C5orf24: variants seen among roughly 807,000 people sequenced by gnomAD.
C5orf24 encodes the protein UPF0461 protein C5orf24.
Under a neutral mutation model 9.8 loss-of-function variants are expected in C5orf24, and 4 were observed. The observed-to-expected ratio is 0.41, with a 90% confidence interval of 0.20 to 0.93. The LOEUF (loss-of-function observed/expected upper bound fraction) is 0.93, where lower values mean the gene tolerates loss of function less well. Ranked by LOEUF, C5orf24 falls within the 40% of genes least tolerant of loss-of-function variation. C5orf24 has a pLI of 0.33. For missense variants in C5orf24, 170 were observed against 236.9 expected, an observed-to-expected ratio of 0.72 and a Z score of 1.85; for synonymous variants, 73 against 81.3, an observed-to-expected ratio of 0.90 and a Z score of 0.55.
At chr5:134,852,044 A>C (rs1437878459) in intron 1 of C5orf24, among the ~76,000 whole-genome samples, 2 of 152,200 alleles carry the variant, frequency 1.3e-5, no homozygotes, top group Non-Finnish European at 2.9e-5. Context: ...GGGTTCAACC[A>C]ATTCTCCTGC....
chr5:134,858,448 A>G lies in C5orf24; in HGVS notation c.*2981A>G, dbSNP rs1196571172. ...AATAGCATGTTAAACAGTTGCCTATACTTTAATATAATCAGTTGGGGAAAA... is the reference window on the plus strand; with the variant it reads ...AATAGCATGTTAAACAGTTGCCTATGCTTTAATATAATCAGTTGGGGAAAA... On this transcript the variant is annotated 3_prime_UTR_variant, in exon 2 of 2. Transcript: ENST00000394976. 3 of 167,022 alleles carry G rather than the reference A, an allele frequency of 1.8e-5. No homozygotes were observed. In the East Asian group the frequency reaches 5.8e-4, roughly 32 times the overall value. The allele number at this position is 167,022 out of a possible 1,614,324, so 10.3% of individuals were successfully genotyped here.
intron 1 of C5orf24, among the ~76,000 whole-genome samples, chr5:134,850,994 ATATTTATTTATT>A (rs34043118): frequency 0.012 from 1,754 of 147,572 alleles, 29 homozygotes; most frequent in African/African-American, 0.04. Context: ...AGAAATACAT[ATATTTATTTATT>A]TATTTATTTA....
chr5:134,844,737 G>C (rs944554466), upstream of C5orf24, among the ~76,000 whole-genome samples: 1 of 147,276 alleles, frequency 6.8e-6, no homozygotes, highest in Non-Finnish European at 1.5e-5. Context: ...GTTTTTTGTT[G>C]TTGTTGTTGT....
the C5orf24 span, among the ~76,000 whole-genome samples, chr5:134,835,548 G>A: frequency 4.6e-5 from 7 of 152,174 alleles, no homozygotes; most frequent in Non-Finnish European, 8.8e-5. Flanking sequence ...TTGGGAGGCT[G>A]AGGCAGGAGA....
chr5:134,839,598 T>C, the C5orf24 span, among the ~76,000 whole-genome samples: 2 of 152,174 alleles, frequency 1.3e-5, no homozygotes, highest in Non-Finnish European at 2.9e-5. Context: ...AATACTGCTT[T>C]TATTATTCAT....
At chr5:134,847,089 C>A (rs377313568) in intron 1 of C5orf24, among the ~76,000 whole-genome samples, 1 of 152,038 alleles carries the variant, frequency 6.6e-6, no homozygotes, top group Admixed American at 6.6e-5. Context: ...GTAATGACTG[C>A]CACATTCAAG....
In C5orf24 at chr5:134,859,713, A is replaced by G. The variant is rs1429975218; in HGVS notation, c.*4246A>G. On this transcript the variant is annotated 3_prime_UTR_variant, in exon 2 of 2. Transcript: ENST00000394976. ...TCATCATATGGATGTATATTTATTA[A>G]TAAAGTCATTACTTTAAAACCAGCT... 1 of 166,812 alleles carries G rather than the reference A, an allele frequency of 6.0e-6. No homozygotes were observed. Among genetic ancestry groups the G allele is most frequent in the Admixed American group, 6.5e-5 (1 of 15,276 alleles). The allele number at this position is 166,812 out of a possible 1,614,324, so 10.3% of individuals were successfully genotyped here. A position where few individuals can be genotyped will look rare whatever the true frequency, so the allele number is the denominator to read the frequency against.
At chr5:134,838,638 T>C in the C5orf24 span, among the ~76,000 whole-genome samples, 1 of 151,998 alleles carries the variant, frequency 6.6e-6, no homozygotes, top group Non-Finnish European at 1.5e-5. Flanking sequence ...CAAGACTTTA[T>C]CTCAAACAAA....
the C5orf24 span, among the ~76,000 whole-genome samples, chr5:134,839,992 A>G: frequency 6.6e-6 from 1 of 152,042 alleles, no homozygotes; most frequent in Non-Finnish European, 1.5e-5. Flanking sequence ...CACCACACCT[A>G]GCCTAGAGTA....
At chr5:134,842,561 C>G (rs1755915955), upstream of C5orf24, among the ~76,000 whole-genome samples, 1 of 151,634 alleles carries the variant, frequency 6.6e-6, no homozygotes, top group African/African-American at 2.4e-5. Flanking sequence ...GGTGAGTAAA[C>G]CTGGAATGTC....
chr5:134,847,860 T>C lies in C5orf24; in HGVS notation c.-4+1648T>C, dbSNP rs142140083. Among the ~76,000 whole-genome samples the C allele has an allele frequency of 8.5e-3, 1,300 of 152,198 alleles. 6 individuals are homozygous for C. The highest frequency in any genetic ancestry group is 0.041 in the Middle Eastern group (12 of 294). ...AGTTACAGGCACCCGCCACCATGCC[T>C]GACTAATTTTTTGGATTTTTAGAGA... On this transcript the variant is annotated intron_variant, in intron 1 of 1. Coordinates refer to ENST00000394976, the MANE Select transcript of C5orf24 (RefSeq NM_001135586.1).
In C5orf24 at chr5:134,858,373, T is replaced by A. The variant is rs1756365803; in HGVS notation, c.*2906T>A. On this transcript the variant is annotated 3_prime_UTR_variant, in exon 2 of 2. Coordinates refer to ENST00000394976, the MANE Select transcript of C5orf24 (RefSeq NM_001135586.1). The stretch of plus-strand genomic sequence containing the variant: ...TTTTACTGCTATATAAACTAAAGAC[T>A]ACATTGTGCATATTTTGTTAACACT... 1 of 167,052 alleles carries A rather than the reference T, an allele frequency of 6.0e-6. No individual in the cohort carries two copies. The highest frequency in any genetic ancestry group is 1.5e-5 in the Non-Finnish European group (1 of 68,130). 10.3% of individuals were successfully genotyped at this position (167,052 alleles called of 1,614,324 possible). A position where few individuals can be genotyped will look rare whatever the true frequency, so the allele number is the denominator to read the frequency against.
chr5:134,852,827 G>T (rs1478832258), intron 1 of C5orf24, among the ~76,000 whole-genome samples: 1 of 152,050 alleles, frequency 6.6e-6, no homozygotes, highest in African/African-American at 2.4e-5. Context: ...ACCTGAGGTT[G>T]GGAGTTCAAG....
intron 1 of C5orf24, among the ~76,000 whole-genome samples, chr5:134,849,429 A>G (rs1410329659): frequency 6.6e-6 from 1 of 152,182 alleles, no homozygotes; most frequent in African/African-American, 2.4e-5. Flanking sequence ...CTGATTCCCA[A>G]CTTAATAAAG....
chr5:134,846,401 C>T (rs560764398), intron 1 of C5orf24, 189 bp downstream of exon 1: 6 of 152,246 alleles, frequency 3.9e-5, no homozygotes, highest in African/African-American at 1.4e-4. Context: ...GGACATTCCT[C>T]CTGCGGCGGG....
At chr5:134,836,298 A>G in the C5orf24 span, among the ~76,000 whole-genome samples, 9 of 150,778 alleles carry the variant, frequency 6.0e-5, no homozygotes, top group South Asian at 1.3e-3. Context: ...CAGCCTCCCA[A>G]GTAGCTGGGA....
the C5orf24 span, among the ~76,000 whole-genome samples, chr5:134,833,864 T>C: frequency 2.6e-5 from 4 of 152,154 alleles, no homozygotes; most frequent in African/African-American, 9.7e-5. Flanking sequence ...GAATTTACTT[T>C]TGATTATTTG....
the C5orf24 span, among the ~76,000 whole-genome samples, chr5:134,834,880 C>G: frequency 6.6e-6 from 1 of 152,002 alleles, no homozygotes. Context: ...CCTGTCTCTA[C>G]TAAAAATAAA....
In C5orf24 at chr5:134,846,035, CG is replaced by C. The variant is rs1561884237; in HGVS notation, c.-178del. On this transcript the variant is annotated 5_prime_UTR_variant, in exon 1 of 2. Transcript: ENST00000394976. ...GCAGGACCGTGCGCGGCGGCCGCGG[CG>C]GGTGCTGGGAGCCAGCGCCTGCCTC... The C allele has an allele frequency of 6.6e-6, 1 of 152,334 alleles. No individual in the cohort carries two copies. Among genetic ancestry groups the C allele is most frequent in the Non-Finnish European group, 1.5e-5 (1 of 68,164 alleles). 9.4% of individuals were successfully genotyped at this position (152,334 alleles called of 1,614,324 possible). A position where few individuals can be genotyped will look rare whatever the true frequency, so the allele number is the denominator to read the frequency against.
Sources: allele counts gnomAD v4.1 joint callset (sites outside exome capture counted in the v4.1 genomes callset), GRCh38; gene constraint gnomAD v4.1.1; transcripts MANE v1.5; gene names NCBI Gene and HGNC (gene_info 2026-07-23, HGNC 2026-07-21).